The following KCTD2 variants were observed in gnomAD, a reference collection of about 807,000 sequenced individuals.
The protein encoded by KCTD2 is potassium channel tetramerization domain containing 2.
KCTD2 carries 18 observed loss-of-function variants against 27.9 expected under a neutral mutation model. That is an observed-to-expected ratio of 0.64 (90% CI 0.45 to 0.96). The LOEUF (loss-of-function observed/expected upper bound fraction) is 0.96, where lower values mean the gene tolerates loss of function less well. Among genes scored for constraint, KCTD2 ranks in the 40% least tolerant of loss-of-function variants. KCTD2 has a pLI of 0.00. For synonymous variants in KCTD2, 175 were observed against 148.4 expected, an observed-to-expected ratio of 1.18 and a Z score of -1.30; for missense variants, 280 against 348.0, an observed-to-expected ratio of 0.80 and a Z score of 1.56.
Position 75,060,613 on chromosome 17 carries a change from C to A in KCTD2, c.636+1008C>A, listed in dbSNP as rs1050079736. The A allele has an allele frequency of 1.2e-5, 19 of 1,600,290 alleles. No individual in the cohort carries two copies. The East Asian group carries it at 4.3e-4, about 36-fold the overall frequency. On this transcript the variant is annotated intron_variant, in intron 4 of 5. Coordinates refer to ENST00000322444, the MANE Select transcript of KCTD2 (RefSeq NM_015353.3). ...GCGCCGGCCTCCCCGCTCTGGCTCG[C>A]CAGGTTCATGGCTGGGCGCGTGGCG...
chr17:75,059,113 AAATTAT>A (rs1005023879), intron 3 of KCTD2: 5 of 151,738 alleles, frequency 3.3e-5, no homozygotes, highest in African/African-American at 1.2e-4. Context: ...TAAATAAATA[AAATTAT>A]AATAATAATA....
At chr17:75,034,475 C>CA (rs2040095197) in intron 2 of KCTD2, among the ~76,000 whole-genome samples, 1 of 152,202 alleles carries the variant, frequency 6.6e-6, no homozygotes, top group African/African-American at 2.4e-5. Context: ...CTTAGGAGGC[C>CA]AGTGCCTTAT....
intron 1 of KCTD2, among the ~76,000 whole-genome samples, chr17:75,048,330 T>C (rs2073249765): frequency 6.6e-6 from 1 of 152,174 alleles, no homozygotes; most frequent in African/African-American, 2.4e-5. Flanking sequence ...TGTCAATTTC[T>C]TTTTAACTTT....
chr17:75,056,807 T>C (rs897197260), intron 3 of KCTD2, among the ~76,000 whole-genome samples: 1 of 152,106 alleles, frequency 6.6e-6, no homozygotes, highest in Non-Finnish European at 1.5e-5. Context: ...GTTACCTCCT[T>C]GAACTTACCT....
At chr17:75,058,320 C>T (rs1183432912) in intron 3 of KCTD2, among the ~76,000 whole-genome samples, 1 of 139,480 alleles carries the variant, frequency 7.2e-6, no homozygotes, top group Non-Finnish European at 1.6e-5. Context: ...GAGCGAGACT[C>T]TCTCAAAAAA....
intron 3 of KCTD2, among the ~76,000 whole-genome samples, chr17:75,036,695 A>AT (rs2040116441): frequency 6.6e-6 from 1 of 152,102 alleles, no homozygotes; most frequent in Non-Finnish European, 1.5e-5. Flanking sequence ...AGTAAACTGC[A>AT]TTTTTTCTCA....
intron 2 of KCTD2, among the ~76,000 whole-genome samples, chr17:75,035,040 C>T (rs998737022): frequency 3.3e-5 from 5 of 152,130 alleles, no homozygotes; most frequent in Non-Finnish European, 5.9e-5. Context: ...AGGGTGCGAG[C>T]AGTGAAGCTG....
Position 75,063,114 on chromosome 17 carries a change from C to T in KCTD2, c.*67C>T. 2.8e-6 allele frequency: 4 copies of T among 1,442,454 alleles called. No individual in the cohort carries two copies. Among genetic ancestry groups the T allele is most frequent in the Non-Finnish European group, 3.9e-6 (4 of 1,028,450 alleles). 89.4% of individuals were successfully genotyped at this position (1,442,454 alleles called of 1,614,324 possible). A position where few individuals can be genotyped will look rare whatever the true frequency, so the allele number is the denominator to read the frequency against. ...GCAGAGCCCCTCTGTGAAGTGAAAC[C>T]TCACTCCTGTCCAGTGACCGAGCCA... On this transcript the variant is annotated 3_prime_UTR_variant, in exon 6 of 6. Transcript: ENST00000322444.
At chr17:75,055,432 T>C (rs1401556342) in intron 3 of KCTD2, among the ~76,000 whole-genome samples, 3 of 151,850 alleles carry the variant, frequency 2.0e-5, no homozygotes, top group Non-Finnish European at 2.9e-5. Flanking sequence ...TTTCTGGCTC[T>C]AGGCCAGGTA....
intron 3 of KCTD2, chr17:75,039,344 C>A (rs769694753): frequency 4.5e-6 from 6 of 1,347,854 alleles, no homozygotes; most frequent in African/African-American, 4.3e-5. Flanking sequence ...AGGTAGGAGT[C>A]GTCCCAGCCC....
intron 2 of KCTD2, among the ~76,000 whole-genome samples, chr17:75,052,739 A>G (rs1351679560): frequency 6.6e-6 from 1 of 152,054 alleles, no homozygotes; most frequent in African/African-American, 2.4e-5. Context: ...GGGGGAAAAA[A>G]TAGAAACAGC....
intron 3 of KCTD2, chr17:75,040,412 A>C: frequency 2.1e-6 from 1 of 485,724 alleles, no homozygotes; most frequent in Admixed American, 3.8e-5. Flanking sequence ...AACCCTGGAC[A>C]ATTCTTTATG....
At chr17:75,042,900 C>T (rs1251298868), upstream of KCTD2, among the ~76,000 whole-genome samples, 1 of 151,846 alleles carries the variant, frequency 6.6e-6, no homozygotes, top group African/African-American at 2.4e-5. Context: ...GAAAAAAAGA[C>T]AGTGTAGCTT....
intron 3 of KCTD2, 118 bp downstream of exon 3, chr17:75,053,223 G>T: frequency 1.3e-6 from 1 of 778,016 alleles, no homozygotes; most frequent in South Asian, 1.5e-5. Context: ...AACACCGTTT[G>T]CAGTGCAGGG....
rs1765063148 is a variant in KCTD2 at position 75,065,206 on chromosome 17, CT to C, written c.*2160del. The C allele has an allele frequency of 2.0e-5, 3 of 152,246 alleles. No homozygotes were observed. Among genetic ancestry groups the C allele is most frequent in the Non-Finnish European group, 2.9e-5 (2 of 68,054 alleles). 9.4% of individuals were successfully genotyped at this position (152,246 alleles called of 1,614,324 possible). On this transcript the variant is annotated 3_prime_UTR_variant, in exon 6 of 6. Coordinates refer to ENST00000322444, the MANE Select transcript of KCTD2 (RefSeq NM_015353.3). Reference sequence around the variant, plus strand: ...TAGACAGGAGTGGTATTTCCGCCCTCTCGGAGGGCTGGTGTTCACCAAGTTT... The same window carrying C: ...TAGACAGGAGTGGTATTTCCGCCCTCCGGAGGGCTGGTGTTCACCAAGTTT...
chr17:75,056,516 G>A (rs912930951), intron 3 of KCTD2, among the ~76,000 whole-genome samples: 2 of 152,088 alleles, frequency 1.3e-5, no homozygotes, highest in African/African-American at 2.4e-5. Context: ...TTTGATGACC[G>A]CAATTAAATT....
intron 1 of KCTD2, 135 bp downstream of exon 1, chr17:75,047,724 A>G (rs2073241170): frequency 5.1e-6 from 4 of 780,174 alleles, no homozygotes; most frequent in South Asian, 3.5e-5. Context: ...CCTCCCTCCC[A>G]CACTACTCGC....
At chr17:75,051,598 A>G (rs1168414147) in intron 2 of KCTD2, among the ~76,000 whole-genome samples, 9 of 149,812 alleles carry the variant, frequency 6.0e-5, no homozygotes, top group Non-Finnish European at 1.5e-5. Flanking sequence ...TTTTTTTTAA[A>G]TCATATTTGC....
intron 4 of KCTD2, among the ~76,000 whole-genome samples, chr17:75,060,888 T>G (rs2073398156): frequency 6.6e-6 from 1 of 152,336 alleles, no homozygotes; most frequent in African/African-American, 2.4e-5. Flanking sequence ...TGTCTCTGCC[T>G]TCAGAGCCAG....
Sources: gnomAD v4.1 joint callset for allele counts (sites outside exome capture counted in the v4.1 genomes callset) on GRCh38, gnomAD v4.1.1 for gene constraint, MANE v1.5 for transcripts, NCBI Gene and HGNC (gene_info 2026-07-23, HGNC 2026-07-21) for gene names.